The following SPATA13 variants were observed in gnomAD, a reference collection of about 807,000 sequenced individuals.
SPATA13 encodes spermatogenesis associated 13, also known as spermatogenesis-associated protein 13.
A neutral mutation model predicts 104.0 loss-of-function variants in SPATA13; 50 were observed. The ratio of observed to expected loss-of-function variants is 0.48; its 90% CI spans 0.38 to 0.61. The LOEUF is 0.61. SPATA13 is among the 20% of genes least tolerant of loss of function. The pLI, the probability that SPATA13 is intolerant of heterozygous loss-of-function variation, is 0.00. For synonymous variants in SPATA13, 606 were observed against 667.5 expected (o/e 0.91, Z 1.42); for missense variants, 1,524 against 1,690.6 (o/e 0.90, Z 1.73).
intron 3 of SPATA13, among the ~76,000 whole-genome samples, chr13:24,120,672 T>C (rs1431042245): frequency 6.6e-6 from 1 of 152,246 alleles, no homozygotes; most frequent in African/African-American, 2.4e-5. Flanking sequence ...GCTTATGAAT[T>C]GGCACAAAGT....
rs572632241 is a variant in SPATA13 at position 24,027,229 on chromosome 13, G to A, written c.-112+9528G>A. Among the ~76,000 whole-genome samples the A allele has an allele frequency of 6.4e-4, 89 of 139,804 alleles. 1 individual carries two copies. The highest frequency in any genetic ancestry group is 4.6e-3 in the Middle Eastern group (1 of 216). The allele number at this position is 139,804 out of a possible 152,430, so 91.7% of individuals were successfully genotyped here. On this transcript the variant is annotated intron_variant, in intron 3 of 14. Coordinates refer to the SPATA13 transcript ENST00000424834. ...AGCTCACTGCAACCTCCACCTCCCA[G>A]GTTCATGCAATTCTCCTGCCTCAGC...
At chr13:24,067,690 A>G (rs1487574756) in intron 3 of SPATA13, among the ~76,000 whole-genome samples, 1 of 152,108 alleles carries the variant, frequency 6.6e-6, no homozygotes, top group Non-Finnish European at 1.5e-5. Flanking sequence ...TTGACCTAAT[A>G]TGCATGATTT....
At chr13:24,209,896 G>T (rs916247423) in intron 1 of SPATA13, among the ~76,000 whole-genome samples, 9 of 152,114 alleles carry the variant, frequency 5.9e-5, no homozygotes, top group Non-Finnish European at 8.8e-5. Flanking sequence ...GTGTGTGAGG[G>T]TCTCCTTTCT....
chr13:24,075,597 T>G (rs951056774), intron 3 of SPATA13, among the ~76,000 whole-genome samples: 2 of 152,222 alleles, frequency 1.3e-5, no homozygotes, highest in Non-Finnish European at 2.9e-5. Flanking sequence ...CTGGCACTGT[T>G]TCTACTTCAC....
chr13:24,195,160 T>C, intron 1 of SPATA13, among the ~76,000 whole-genome samples: 1 of 152,194 alleles, frequency 6.6e-6, no homozygotes, highest in Non-Finnish European at 1.5e-5. Flanking sequence ...CCTGTCTCTA[T>C]GGATTTGCCT....
At chr13:23,990,010 G>A (rs2765155) in intron 2 of SPATA13, among the ~76,000 whole-genome samples, 93,733 of 151,448 alleles carry the variant, frequency 0.62, 29,942 homozygotes, top group Non-Finnish European at 0.71. Flanking sequence ...TTGTTTATAA[G>A]CCACCCAGGT....
chr13:24,079,185 C>T (rs772327044), intron 3 of SPATA13, among the ~76,000 whole-genome samples: 17 of 152,206 alleles, frequency 1.1e-4, no homozygotes, highest in South Asian at 6.2e-4. Context: ...TGTGGGAACA[C>T]GGGATGTAGA....
chr13:24,001,569 A>G (rs1566067807), intron 2 of SPATA13, among the ~76,000 whole-genome samples: 1 of 151,974 alleles, frequency 6.6e-6, no homozygotes. Flanking sequence ...GGTCAATCCC[A>G]TGAATGCCCC....
chr13:24,031,857 T>A (rs1290615614), intron 3 of SPATA13, among the ~76,000 whole-genome samples: 1 of 152,206 alleles, frequency 6.6e-6, no homozygotes, highest in Non-Finnish European at 1.5e-5. Context: ...ATATTCTGTG[T>A]ACCATATTTA....
chr13:24,084,350 G>A (rs529107415), intron 3 of SPATA13, among the ~76,000 whole-genome samples: 4 of 152,332 alleles, frequency 2.6e-5, no homozygotes, highest in Admixed American at 1.3e-4. Flanking sequence ...GCCCGCGCAT[G>A]ATGGAGATGC....
At chr13:24,192,572 G>C (rs943596467) in intron 1 of SPATA13, among the ~76,000 whole-genome samples, 1 of 152,158 alleles carries the variant, frequency 6.6e-6, no homozygotes, top group African/African-American at 2.4e-5. Flanking sequence ...AAGACCTGAA[G>C]TCCTGTCTGT....
intron 3 of SPATA13, among the ~76,000 whole-genome samples, chr13:24,124,960 A>G (rs149732827): frequency 3.9e-5 from 6 of 152,298 alleles, no homozygotes; most frequent in African/African-American, 1.4e-4. Flanking sequence ...AAGTGCTTGA[A>G]AGGAACTGAA....
chr13:24,188,349 A>T (rs1869293888), intron 1 of SPATA13, among the ~76,000 whole-genome samples: 1 of 152,006 alleles, frequency 6.6e-6, no homozygotes, highest in Non-Finnish European at 1.5e-5. Flanking sequence ...AATAATAAAA[A>T]AAAAAAGTGA....
chr13:24,227,797 T>C (rs1277811281), intron 2 of SPATA13, among the ~76,000 whole-genome samples: 1 of 152,116 alleles, frequency 6.6e-6, no homozygotes, highest in African/African-American at 2.4e-5. Flanking sequence ...CTCAAACTCC[T>C]GGCCTCAAGT....
chr13:24,265,715 A>G (rs1204938245), intron 4 of SPATA13, among the ~76,000 whole-genome samples: 2 of 152,040 alleles, frequency 1.3e-5, no homozygotes, highest in East Asian at 3.9e-4. Flanking sequence ...ATGCTTTCCC[A>G]GGGGACAGCA....
chr13:24,248,125 C>T (rs567796240), intron 2 of SPATA13, among the ~76,000 whole-genome samples: 2 of 152,208 alleles, frequency 1.3e-5, no homozygotes, highest in African/African-American at 4.8e-5. Flanking sequence ...GGCCTCCACT[C>T]CTGCAGGTCT....
At chr13:24,045,598 C>T (rs185102945) in intron 3 of SPATA13, among the ~76,000 whole-genome samples, 43 of 152,202 alleles carry the variant, frequency 2.8e-4, no homozygotes, top group African/African-American at 9.6e-4. Flanking sequence ...TAAACAATAC[C>T]AGGCTCATGA....
At position 24,190,352 on chromosome 13, in the gene SPATA13, T is replaced by TA. The variant is rs1869644763; in HGVS notation, c.-112+29421dup. Among the ~76,000 whole-genome samples the TA allele has an allele frequency of 2.8e-4, 2 of 7,160 alleles. 1 individual carries two copies. Among genetic ancestry groups the TA allele is most frequent in the Non-Finnish European group, 0.17 (2 of 12 alleles). The allele number at this position is 7,160 out of a possible 152,430, so 4.7% of individuals were successfully genotyped here. On this transcript the variant is annotated intron_variant, in intron 1 of 12. Coordinates refer to ENST00000382108, the MANE Select transcript of SPATA13 (RefSeq NM_001166271.3). ...TATTATTATATATAATATATAATATTATATATTATTATATATAATATATAA... is the reference window on the plus strand; with the variant it reads ...TATTATTATATATAATATATAATATTAATATATTATTATATATAATATATAA...
At chr13:24,228,406 C>T (rs964880765) in intron 2 of SPATA13, among the ~76,000 whole-genome samples, 5 of 152,142 alleles carry the variant, frequency 3.3e-5, no homozygotes, top group Non-Finnish European at 7.3e-5. Flanking sequence ...TGAGCCACCG[C>T]GCCGAGCCTG....
Sources: gnomAD v4.1 joint callset for allele counts (sites outside exome capture counted in the v4.1 genomes callset) on GRCh38, gnomAD v4.1.1 for gene constraint, MANE v1.5 for transcripts, NCBI Gene and HGNC (gene_info 2026-07-23, HGNC 2026-07-21) for gene names.